SIMC1: variants seen among roughly 807,000 people sequenced by gnomAD.
SIMC1 encodes the protein SUMO interacting motifs containing 1.
In SIMC1, 55 loss-of-function variants were observed where a neutral mutation model predicts 82.3. The observed-to-expected ratio is 0.67, with a 90% CI of 0.54 to 0.84. The LOEUF (loss-of-function observed/expected upper bound fraction) is 0.84, where lower values mean the gene tolerates loss of function less well. Ranked by LOEUF, SIMC1 falls within the 40% of genes least tolerant of loss-of-function variation. The pLI is 0.00. For synonymous variants in SIMC1, 353 were observed against 426.3 expected (o/e 0.83, Z 2.12); for missense variants, 915 against 1,107.2 (o/e 0.83, Z 2.46).
chr5:176,325,693 A>G (rs1561726097), intron 7 of SIMC1, among the ~76,000 whole-genome samples: 4 of 152,092 alleles, frequency 2.6e-5, no homozygotes, highest in African/African-American at 9.7e-5. Context: ...CTCAAAAAAT[A>G]AATAATAAAT....
At chr5:176,304,213 G>GCTCCCT (rs58813132) in intron 4 of SIMC1, 82,955 of 149,368 alleles carry the variant, frequency 0.56, 23,208 homozygotes, top group Middle Eastern at 0.61. Context: ...AAGAACTCCA[G>GCTCCCT]CTCCCTCTCC....
At chr5:176,305,683 AG>A (rs1764315072) in intron 4 of SIMC1, among the ~76,000 whole-genome samples, 1 of 106,250 alleles carries the variant, frequency 9.4e-6, no homozygotes, top group Non-Finnish European at 2.0e-5. Context: ...CTGCCCGGCC[AG>A]CCGCCCCGTC....
At chr5:176,323,976 A>G (rs1443311775) in intron 6 of SIMC1, among the ~76,000 whole-genome samples, 1 of 148,978 alleles carries the variant, frequency 6.7e-6, no homozygotes, top group Non-Finnish European at 1.5e-5. Flanking sequence ...CGACAGAGCT[A>G]GACTCCATCT....
intron 1 of SIMC1, among the ~76,000 whole-genome samples, chr5:176,276,960 C>A (rs1377318768): frequency 1.3e-5 from 2 of 150,762 alleles, no homozygotes; most frequent in African/African-American, 4.9e-5. Context: ...TGGGTATATA[C>A]CCAGTAATGG....
intron 1 of SIMC1, among the ~76,000 whole-genome samples, chr5:176,257,603 C>T (rs1472290448): frequency 6.6e-6 from 1 of 152,158 alleles, no homozygotes; most frequent in Non-Finnish European, 1.5e-5. Context: ...GATATGCCCC[C>T]ATGACCCAAA....
At position 176,290,271 on chromosome 5, in the gene SIMC1, C is replaced by G; in HGVS notation, c.747C>G (p.Cys249Trp). The change falls in exon 2 of 10, where the codon TGC becomes TGG. Residue 249 changes from cysteine to tryptophan, a missense_variant. Cys to Trp is a radical substitution (Grantham distance 215, BLOSUM62 -2). This residue lies in a region of SIMC1 where 902 missense variants were observed against 1,040.3 expected (regional missense o/e 0.87). Coordinates refer to ENST00000429602, the MANE Select transcript of SIMC1 (RefSeq NM_001308195.2). ...ASSCPPRALS[C>W]PSQTMQCQLP... The stretch of plus-strand genomic sequence containing the variant: ...CATGCCCACCACGAGCCTTGTCATG[C>G]CCATCACAAACCATGCAGTGCCAAC... 1 of 1,613,838 alleles carries G rather than the reference C, an allele frequency of 6.2e-7. No individual in the cohort carries two copies. Among genetic ancestry groups the G allele is most frequent in the Non-Finnish European group, 8.5e-7 (1 of 1,179,878 alleles).
intron 1 of SIMC1, among the ~76,000 whole-genome samples, chr5:176,288,117 T>G (rs2113250648): frequency 6.6e-6 from 1 of 152,102 alleles, no homozygotes; most frequent in Middle Eastern, 3.4e-3. Flanking sequence ...CGGTGATGGG[T>G]TTTAAATAGT....
In SIMC1 at chr5:176,295,108, C is replaced by G. The variant is rs1191813274; in HGVS notation, c.1510C>G (p.Leu504Val). The change falls in exon 3 of 10, where the codon CTG becomes GTG. Residue 504 changes from leucine to valine, a missense_variant. By Grantham distance (32) the Leu-to-Val change is conservative. Transcript: ENST00000429602. ...VTNTIEENFP[L>V]GTVQFLMDFV... ...AAATACCATTGAAGAGAATTTTCCT[C>G]TGGGGACTGTGCAGTTTTTGATGGA... 6.2e-7 allele frequency: 1 copy of G among 1,613,570 alleles called. No homozygotes were observed. Among genetic ancestry groups the G allele is most frequent in the Non-Finnish European group, 8.5e-7 (1 of 1,179,694 alleles).
chr5:176,259,292 C>T lies in SIMC1; in HGVS notation c.129+20655C>T, dbSNP rs113286002. On this transcript the variant is annotated intron_variant, in intron 1 of 9. Transcript: ENST00000429602. Reference sequence around the variant, plus strand: ...ACCAGCCTCGACAATATGGTAAAGCCCCATCTCCACTAATACAAAAAATCA... The same window carrying T: ...ACCAGCCTCGACAATATGGTAAAGCTCCATCTCCACTAATACAAAAAATCA... Among the ~76,000 whole-genome samples, 792 of 151,812 alleles carry T rather than the reference C, an allele frequency of 5.2e-3. 6 individuals are homozygous for T. The highest frequency in any genetic ancestry group is 0.018 in the African/African-American group (739 of 41,380).
chr5:176,305,147 G>T lies in SIMC1; in HGVS notation c.1735-8544G>T, dbSNP rs867594409. ...CCGTGCCATCCAGGAGGGGGGGGGG[G>T]TCAGCCCCCCGCCTGGCCAGCCGTG... On this transcript the variant is annotated intron_variant, in intron 4 of 9. Transcript: ENST00000429602. Among the ~76,000 whole-genome samples the T allele has an allele frequency of 5.6e-5, 6 of 108,084 alleles. No homozygotes were observed. In the South Asian group the frequency reaches 1.3e-3, roughly 23 times the overall value. 70.9% of individuals were successfully genotyped at this position (108,084 alleles called of 152,430 possible).
intron 4 of SIMC1, among the ~76,000 whole-genome samples, chr5:176,311,482 A>G (rs575058371): frequency 6.6e-6 from 1 of 151,896 alleles, no homozygotes; most frequent in Non-Finnish European, 1.5e-5. Flanking sequence ...GCCTCAAATG[A>G]TCCTCCCACC....
chr5:176,297,502 C>CAAAAAA (rs896827211), intron 4 of SIMC1, among the ~76,000 whole-genome samples: 1 of 35,922 alleles, frequency 2.8e-5, no homozygotes, highest in East Asian at 1.1e-3. Context: ...AACTCTGTCT[C>CAAAAAA]AAAAAAAAAA....
At chr5:176,344,661 A>G (rs1293753935) in intron 9 of SIMC1, among the ~76,000 whole-genome samples, 1 of 152,186 alleles carries the variant, frequency 6.6e-6, no homozygotes, top group Non-Finnish European at 1.5e-5. Context: ...ACAGCAGAAT[A>G]AAGAGTGAGG....
At chr5:176,286,359 C>T (rs1199019239) in intron 1 of SIMC1, among the ~76,000 whole-genome samples, 1 of 152,262 alleles carries the variant, frequency 6.6e-6, no homozygotes, top group Non-Finnish European at 1.5e-5. Flanking sequence ...TGATCTTTGA[C>T]AAACCTGACA....
chr5:176,242,486 A>G (rs531815608), intron 1 of SIMC1, among the ~76,000 whole-genome samples: 25 of 132,276 alleles, frequency 1.9e-4, no homozygotes, highest in Admixed American at 1.7e-3. Flanking sequence ...TTCAGGACAT[A>G]TCTTTTTCTT....
chr5:176,289,268 C>T (rs1254873119), intron 1 of SIMC1, among the ~76,000 whole-genome samples: 2 of 152,168 alleles, frequency 1.3e-5, no homozygotes, highest in East Asian at 1.9e-4. Context: ...GTTCTTAGCA[C>T]ATAGATTCTT....
intron 4 of SIMC1, among the ~76,000 whole-genome samples, chr5:176,299,392 TAA>T (rs567330074): frequency 5.0e-4 from 66 of 132,278 alleles, no homozygotes; most frequent in Middle Eastern, 3.6e-3. Flanking sequence ...ACCCTGTCTC[TAA>T]AAAAAAAAAA....
intron 5 of SIMC1, among the ~76,000 whole-genome samples, chr5:176,314,665 A>G (rs1764821185): frequency 6.6e-6 from 1 of 152,192 alleles, no homozygotes; most frequent in African/African-American, 2.4e-5. Context: ...GAACTACTAT[A>G]TGCTTATACC....
chr5:176,305,640 C>T (rs1433263302), intron 4 of SIMC1, among the ~76,000 whole-genome samples: 7 of 135,614 alleles, frequency 5.2e-5, no homozygotes, highest in Admixed American at 4.2e-4. Flanking sequence ...GCGCCTCTGC[C>T]CGGCTGCCCC....
Sources: gnomAD v4.1 joint callset for allele counts (sites outside exome capture counted in the v4.1 genomes callset) on GRCh38, gnomAD v4.1.1 for gene constraint, gnomAD v4.1.1 regional missense constraint, MANE v1.5 for transcripts, NCBI Gene and HGNC (gene_info 2026-07-23, HGNC 2026-07-21) for gene names.